The following OR8K3 variants were observed in gnomAD, a reference collection of about 807,000 sequenced individuals.
The protein encoded by OR8K3 is olfactory receptor family 8 subfamily K member 3 (gene/pseudogene).
For synonymous variants in OR8K3, 167 were observed against 138.8 expected (o/e 1.20, Z -1.43); for missense variants, 448 against 367.4 (o/e 1.22, Z -1.79).
intron 2 of OR8K3, among the ~76,000 whole-genome samples, chr11:56,317,535 T>C (rs1404264496): frequency 6.6e-6 from 1 of 152,126 alleles, no homozygotes; most frequent in Non-Finnish European, 1.5e-5. Context: ...GTCAACTCTA[T>C]TAAAGTCTCA....
rs117366703 is a variant in OR8K3 at position 56,319,084 on chromosome 11, C to T, written c.778C>T (p.Gln260Ter). 23,160 of 1,614,000 alleles carry T rather than the reference C, an allele frequency of 0.014. 240 individuals are homozygous for T. The highest frequency in any genetic ancestry group is 0.022 in the Middle Eastern group (135 of 6,062). The change falls in exon 3 of 3, where the codon CAG (glutamine) becomes TAG (stop). Residue 260 changes from glutamine to a stop codon, truncating the protein, a stop_gained. Transcript: ENST00000641662. LOFTEE classifies it low-confidence loss of function (END_TRUNC). ...FYGTLLFMYV[Q>*]PKSSHSFDTD... is the part of the protein sequence containing the mutation. ...TGGGACTTTGCTTTTCATGTACGTG[C>T]AGCCCAAGTCCAGTCATTCCTTTGA... is the stretch of plus-strand genomic sequence containing the variant.
At chr11:56,318,023 C>T (rs564067528) in intron 2 of OR8K3, among the ~76,000 whole-genome samples, 3 of 152,092 alleles carry the variant, frequency 2.0e-5, no homozygotes, top group South Asian at 2.1e-4. Flanking sequence ...CAACAGTGGC[C>T]CACCTCCAAA....
rs1206068320 is a variant in OR8K3 at position 56,319,302 on chromosome 11, A to G, written c.*57A>G. On this transcript the variant is annotated 3_prime_UTR_variant, in exon 3 of 3. Coordinates refer to ENST00000641662, the MANE Select transcript of OR8K3 (RefSeq NM_001005202.2). ...TTATGGGCATGAATTTTTGCTCTGC[A>G]TACTTCCAGAAGACATAACAAGCAT... is the stretch of plus-strand genomic sequence containing the variant. 2 of 883,478 alleles carry G rather than the reference A, an allele frequency of 2.3e-6. No individual in the cohort carries two copies. The highest frequency in any genetic ancestry group is 3.6e-6 in the Non-Finnish European group (2 of 561,526). 54.7% of individuals were successfully genotyped at this position (883,478 alleles called of 1,614,324 possible).
chr11:56,318,227 A>C, intron 2 of OR8K3, 57 bp from the exon 3 acceptor site: 1 of 964,834 alleles, frequency 1.0e-6, no homozygotes, highest in Non-Finnish European at 1.6e-6. Flanking sequence ...TGCATACTAA[A>C]AAATTTCTCA....
In OR8K3 at chr11:56,318,935, C is replaced by T; in HGVS notation, c.629C>T (p.Ser210Phe). The T allele has an allele frequency of 6.2e-7, 1 of 1,614,068 alleles. No homozygotes were observed. Among genetic ancestry groups the T allele is most frequent in the Non-Finnish European group, 8.5e-7 (1 of 1,179,952 alleles). The change falls in exon 3 of 3, where the codon TCT (serine) becomes TTT (phenylalanine). Residue 210 changes from serine (S) to phenylalanine (F), a missense_variant. Ser to Phe is a radical substitution (Grantham distance 155). Coordinates refer to ENST00000641662, the MANE Select transcript of OR8K3 (RefSeq NM_001005202.2). ...LIFAAIDLIS[S>F]LLIVLLSYLL... Reference sequence around the variant, plus strand: ...TTTGCAGCTATTGATTTGATTTCATCTCTTCTGATAGTTCTTTTATCTTAC... The same window carrying T: ...TTTGCAGCTATTGATTTGATTTCATTTCTTCTGATAGTTCTTTTATCTTAC...
chr11:56,319,488 C>G lies in OR8K3; in HGVS notation c.*243C>G, dbSNP rs569040522. The G allele has an allele frequency of 9.1e-6, 4 of 441,648 alleles. No individual in the cohort carries two copies. The East Asian group carries it at 1.5e-4, about 16-fold the overall frequency. 27.4% of individuals were successfully genotyped at this position (441,648 alleles called of 1,614,324 possible). ...ATTTTATATAACAGTAGAATGTGCA[C>G]GATGGATATAGACAAAGAAAAAAGG... On this transcript the variant is annotated 3_prime_UTR_variant, in exon 3 of 3. Transcript: ENST00000641662.
Position 56,318,584 on chromosome 11 carries a change from C to A in OR8K3, c.278C>A (p.Ser93Tyr), listed in dbSNP as rs377327048. The change falls in exon 3 of 3, where the codon TCT (serine) becomes TAT (tyrosine). Residue 93 changes from serine to tyrosine, a missense_variant. Ser to Tyr is a moderately radical substitution (Grantham distance 144). Coordinates refer to ENST00000641662, the MANE Select transcript of OR8K3 (RefSeq NM_001005202.2). ...VNFVVDKNII[S>Y]YYFCATQLAF... ...TTTGTTGTGGATAAGAATATAATTT[C>A]TTATTATTTTTGTGCAACACAGCTA... 49 of 1,613,186 alleles carry A rather than the reference C, an allele frequency of 3.0e-5. No homozygotes were observed. The highest frequency in any genetic ancestry group is 3.8e-5 in the Non-Finnish European group (45 of 1,179,662).
At chr11:56,316,098 A>G (rs535233315) in intron 2 of OR8K3, 41 bp downstream of exon 2, 68 of 152,080 alleles carry the variant, frequency 4.5e-4, no homozygotes, top group African/African-American at 1.6e-3. Context: ...AAATTGCCAA[A>G]CTGTACAAAA....
In OR8K3 at chr11:56,319,223, A is replaced by C. The variant is rs779134437; in HGVS notation, c.917A>C (p.Asn306Thr). Residue 306 changes from asparagine to threonine, a missense_variant, in exon 3 of 3, where the codon AAC (asparagine) becomes ACC (threonine). Physicochemically the swap from Asn to Thr is moderately conservative, Grantham distance 65. Coordinates refer to ENST00000641662, the MANE Select transcript of OR8K3 (RefSeq NM_001005202.2). ...VKYALRRTWN[N>T]LCNIFV ...TATGCCCTACGAAGGACATGGAATA[A>C]CTTATGTAATATTTTTGTTTAAATT... is the stretch of plus-strand genomic sequence containing the variant. The C allele has an allele frequency of 6.3e-7, 1 of 1,599,244 alleles. No individual in the cohort carries two copies. Among genetic ancestry groups the C allele is most frequent in the Non-Finnish European group, 8.6e-7 (1 of 1,167,818 alleles).
chr11:56,317,998 T>TCTAA (rs1230668727), intron 2 of OR8K3, among the ~76,000 whole-genome samples: 1 of 152,120 alleles, frequency 6.6e-6, no homozygotes, highest in Non-Finnish European at 1.5e-5. Context: ...CTTACTGGCT[T>TCTAA]CTAACCTTTA....
chr11:56,320,032 T>A lies in OR8K3; in HGVS notation c.*787T>A, dbSNP rs1854504574. 1 of 152,178 alleles carries A rather than the reference T, an allele frequency of 6.6e-6. No homozygotes were observed. The highest frequency in any genetic ancestry group is 1.9e-4 in the East Asian group (1 of 5,184). The allele number at this position is 152,178 out of a possible 1,614,324, so 9.4% of individuals were successfully genotyped here. ...TCTCTAGTTGTTCTTGCTTAATAAC[T>A]GCCTTTTTCACAGATTTTCCCGTTA... On this transcript the variant is annotated 3_prime_UTR_variant, in exon 3 of 3. Coordinates refer to ENST00000641662, the MANE Select transcript of OR8K3 (RefSeq NM_001005202.2).
chr11:56,319,588 A>G lies in OR8K3; in HGVS notation c.*343A>G, dbSNP rs1854497722. On this transcript the variant is annotated 3_prime_UTR_variant, in exon 3 of 3. Transcript: ENST00000641662. ...TACAGAAGGGAGTTACGAGGATTCC[A>G]GTGTTTTTTATCTGCTACTGGAATA... 1 of 201,406 alleles carries G rather than the reference A, an allele frequency of 5.0e-6. No individual in the cohort carries two copies. The highest frequency in any genetic ancestry group is 1.2e-4 in the East Asian group (1 of 8,592). 12.5% of individuals were successfully genotyped at this position (201,406 alleles called of 1,614,324 possible). A position where few individuals can be genotyped will look rare whatever the true frequency, so the allele number is the denominator to read the frequency against.
At position 56,315,920 on chromosome 11, in the gene OR8K3, G is replaced by T. The variant is rs910615831; in HGVS notation, c.-81-80G>T. On this transcript the variant is annotated intron_variant, in intron 1 of 2. Coordinates refer to ENST00000641662, the MANE Select transcript of OR8K3 (RefSeq NM_001005202.2). ...CAAAAGCAGATATTATTTTCTCAAAGATTGTAGCTTTAAAAAATGCAATTG... is the reference window on the plus strand; with the variant it reads ...CAAAAGCAGATATTATTTTCTCAAATATTGTAGCTTTAAAAAATGCAATTG... 9.2e-5 allele frequency: 14 copies of T among 151,866 alleles called. No individual in the cohort carries two copies. The East Asian group carries it at 9.6e-4, about 10-fold the overall frequency. The allele number at this position is 151,866 out of a possible 1,614,324, so 9.4% of individuals were successfully genotyped here.
rs1565108210 is a variant in OR8K3 at position 56,318,393 on chromosome 11, AT to A, written c.89del (p.Leu30CysfsTer4). ...IAELQAPLFA[L>X]FLMIYVISVM... is the part of the protein sequence containing the mutation. ...CTGAGCTGCAGGCACCATTATTTGC[AT>A]TGTTCCTCATGATCTATGTGATCTC... is the stretch of plus-strand genomic sequence containing the variant. On this transcript the variant is annotated frameshift_variant, in exon 3 of 3. Coordinates refer to ENST00000641662, the MANE Select transcript of OR8K3 (RefSeq NM_001005202.2). LOFTEE classifies it low-confidence loss of function (END_TRUNC). 1.2e-6 allele frequency: 2 copies of A among 1,613,780 alleles called. No individual in the cohort carries two copies. The highest frequency in any genetic ancestry group is 2.2e-5 in the South Asian group (2 of 91,072).
At chr11:56,318,160 G>A (rs374925433) in intron 2 of OR8K3, 124 bp from the exon 3 acceptor site, 26 of 549,920 alleles carry the variant, frequency 4.7e-5, no homozygotes, top group African/African-American at 4.1e-4. Context: ...TTATTTGTGA[G>A]AGGTATGTTT....
intron 2 of OR8K3, among the ~76,000 whole-genome samples, chr11:56,317,633 T>C (rs1010868825): frequency 6.6e-6 from 1 of 152,120 alleles, no homozygotes; most frequent in Admixed American, 6.6e-5. Flanking sequence ...GTGACAGAAA[T>C]TTTTTATATA....
chr11:56,315,461 A>G lies in OR8K3; in HGVS notation c.-82+294A>G, dbSNP rs149093661. On this transcript the variant is annotated intron_variant, in intron 1 of 2. Transcript: ENST00000641662. Reference sequence around the variant, plus strand: ...ATTGTTTCTAAAGTATTCATTTTACATATTTTTCTCTAATTGAGGCCAAAA... The same window carrying G: ...ATTGTTTCTAAAGTATTCATTTTACGTATTTTTCTCTAATTGAGGCCAAAA... Among the ~76,000 whole-genome samples, 663 of 152,258 alleles carry G rather than the reference A, an allele frequency of 4.4e-3. 2 individuals are homozygous for G. The highest frequency in any genetic ancestry group is 7.3e-3 in the Non-Finnish European group (493 of 67,978).
chr11:56,317,807 T>TTC (rs879632164), intron 2 of OR8K3, among the ~76,000 whole-genome samples: 3 of 151,930 alleles, frequency 2.0e-5, no homozygotes, highest in Admixed American at 6.6e-5. Context: ...CTGTATCTCT[T>TTC]TCTCTCTCTC....
Position 56,318,556 on chromosome 11 carries a change from A to C in OR8K3, c.250A>C (p.Asn84His), listed in dbSNP as rs1854477096. The stretch of plus-strand genomic sequence containing the variant: ...AACTGTGGGACCCAAAATGTTAGTA[A>C]ATTTTGTTGTGGATAAGAATATAAT... ...STTVGPKMLV[N>H]FVVDKNIISY... Residue 84 changes from asparagine to histidine, a missense_variant, in exon 3 of 3, where the codon AAT becomes CAT. Transcript: ENST00000641662. 1 of 1,612,920 alleles carries C rather than the reference A, an allele frequency of 6.2e-7. No homozygotes were observed. The highest frequency in any genetic ancestry group is 8.5e-7 in the Non-Finnish European group (1 of 1,179,394).
Sources: allele counts gnomAD v4.1 joint callset (sites outside exome capture counted in the v4.1 genomes callset), GRCh38; gene constraint gnomAD v4.1.1; transcripts MANE v1.5; gene names NCBI Gene and HGNC (gene_info 2026-07-23, HGNC 2026-07-21).